BCKDHB: variants seen among roughly 807,000 people sequenced by gnomAD.
The protein encoded by BCKDHB is 2-oxoisovalerate dehydrogenase subunit beta, mitochondrial.
Under a neutral mutation model 48.5 loss-of-function variants are expected in BCKDHB, and 41 were observed. That is an observed-to-expected ratio of 0.85 (90% CI 0.66 to 1.10). The LOEUF (loss-of-function observed/expected upper bound fraction) is 1.10. Among genes scored for constraint, BCKDHB ranks in the 50% least tolerant of loss-of-function variants. BCKDHB has a pLI of 0.00. For synonymous variants in BCKDHB, 201 were observed against 174.8 expected (o/e 1.15, Z -1.18); for missense variants, 496 against 494.2 (o/e 1.00, Z -0.03).
the BCKDHB span, among the ~76,000 whole-genome samples, chr6:80,442,361 ACAAT>A: frequency 6.6e-6 from 1 of 152,188 alleles, no homozygotes; most frequent in African/African-American, 2.4e-5. Flanking sequence ...ATCCTATTTC[ACAAT>A]CAAATTATAC....
chr6:80,315,377 T>TGGG (rs1768387842), intron 9 of BCKDHB, among the ~76,000 whole-genome samples: 1 of 152,066 alleles, frequency 6.6e-6, no homozygotes, highest in Admixed American at 6.5e-5. Flanking sequence ...TAACTGGGGG[T>TGGG]GGGGGTTCCC....
intron 3 of BCKDHB, among the ~76,000 whole-genome samples, chr6:80,158,767 C>T (rs144042366): frequency 7.2e-5 from 11 of 152,118 alleles, no homozygotes; most frequent in Non-Finnish European, 1.2e-4. Context: ...TAAAACAGAC[C>T]CTAAAGGGTG....
intron 9 of BCKDHB, among the ~76,000 whole-genome samples, chr6:80,323,495 G>C (rs1367907330): frequency 5.9e-5 from 9 of 152,234 alleles, no homozygotes. Flanking sequence ...CTTAATCAGT[G>C]TTTAGTAAAT....
the BCKDHB span, among the ~76,000 whole-genome samples, chr6:80,447,502 T>C: frequency 6.6e-6 from 1 of 150,484 alleles, no homozygotes; most frequent in East Asian, 1.9e-4. Context: ...TATATATATA[T>C]AACCACAATG....
intron 9 of BCKDHB, among the ~76,000 whole-genome samples, chr6:80,305,287 C>CTA (rs199875615): frequency 0.014 from 2,150 of 152,032 alleles, 38 homozygotes; most frequent in African/African-American, 0.049. Flanking sequence ...AAAATTATGA[C>CTA]TTAAAATAAT....
chr6:80,258,038 A>C (rs1454478108), intron 8 of BCKDHB, among the ~76,000 whole-genome samples: 1 of 152,100 alleles, frequency 6.6e-6, no homozygotes, highest in Non-Finnish European at 1.5e-5. Flanking sequence ...ATATATAAGA[A>C]TAATACATAG....
chr6:80,186,037 T>C (rs1362991027), intron 6 of BCKDHB, among the ~76,000 whole-genome samples: 5 of 152,188 alleles, frequency 3.3e-5, no homozygotes, highest in African/African-American at 1.2e-4. Flanking sequence ...GGTTGGCCTC[T>C]ACCCAGGAGG....
At chr6:80,340,820 T>C (rs1214445006) in intron 9 of BCKDHB, among the ~76,000 whole-genome samples, 1 of 152,148 alleles carries the variant, frequency 6.6e-6, no homozygotes, top group Non-Finnish European at 1.5e-5. Context: ...CGTACGTACG[T>C]ACATGTATAC....
At chr6:80,411,090 C>T in the BCKDHB span, among the ~76,000 whole-genome samples, 1 of 152,212 alleles carries the variant, frequency 6.6e-6, no homozygotes, top group Middle Eastern at 3.4e-3. Flanking sequence ...GTTTTATCTA[C>T]CTTTGGTCTT....
chr6:80,335,231 G>GAA (rs796841647), intron 9 of BCKDHB, among the ~76,000 whole-genome samples: 10 of 40,462 alleles, frequency 2.5e-4, no homozygotes, highest in African/African-American at 5.6e-4. Context: ...AATTTTGTGG[G>GAA]AAAAAAAAAA....
chr6:80,114,970 G>T (rs1769608300), intron 1 of BCKDHB, among the ~76,000 whole-genome samples: 1 of 152,176 alleles, frequency 6.6e-6, no homozygotes, highest in Non-Finnish European at 1.5e-5. Context: ...GGCAACCCAG[G>T]GACTCTAGAC....
chr6:80,361,404 A>G, the BCKDHB span, among the ~76,000 whole-genome samples: 3 of 152,220 alleles, frequency 2.0e-5, no homozygotes, highest in African/African-American at 4.8e-5. Flanking sequence ...TCTCTAGTAG[A>G]GTACATTTGA....
chr6:80,381,282 C>T, the BCKDHB span, among the ~76,000 whole-genome samples: 1 of 151,922 alleles, frequency 6.6e-6, no homozygotes, highest in African/African-American at 2.4e-5. Context: ...AATAGAACTG[C>T]CAAAAGTTCT....
intron 3 of BCKDHB, among the ~76,000 whole-genome samples, chr6:80,152,563 T>G (rs972193234): frequency 4.6e-5 from 7 of 152,208 alleles, no homozygotes; most frequent in African/African-American, 9.6e-5. Context: ...CATAATCATT[T>G]GTTTCATTCA....
chr6:80,369,473 T>C, the BCKDHB span, among the ~76,000 whole-genome samples: 2 of 152,248 alleles, frequency 1.3e-5, no homozygotes, highest in Non-Finnish European at 2.9e-5. Flanking sequence ...GTTTAGATTA[T>C]TTCAAACCTC....
rs1770171828 is a variant in BCKDHB at position 80,345,746 on chromosome 6, G to C, written c.*1942G>C. ...CCTTCCGTGGACCAGCCGTAATAAA[G>C]AGCCAAGGTAGTGATGGTGGCCACG... is the stretch of plus-strand genomic sequence containing the variant. On this transcript the variant is annotated 3_prime_UTR_variant, in exon 10 of 10. Coordinates refer to ENST00000320393, the MANE Select transcript of BCKDHB (RefSeq NM_183050.4). 1 of 152,218 alleles carries C rather than the reference G, an allele frequency of 6.6e-6. No individual in the cohort carries two copies. The highest frequency in any genetic ancestry group is 1.5e-5 in the Non-Finnish European group (1 of 68,034). 9.4% of individuals were successfully genotyped at this position (152,218 alleles called of 1,614,324 possible).
chr6:80,315,327 C>G (rs533998055), intron 9 of BCKDHB, among the ~76,000 whole-genome samples: 1 of 152,222 alleles, frequency 6.6e-6, no homozygotes, highest in South Asian at 2.1e-4. Context: ...TGCAAAGATC[C>G]GTGGTTTCTT....
the BCKDHB span, among the ~76,000 whole-genome samples, chr6:80,454,595 C>T: frequency 6.6e-6 from 1 of 152,172 alleles, no homozygotes; most frequent in African/African-American, 2.4e-5. Flanking sequence ...GAGCTGCAGA[C>T]CTCATGGCCT....
At chr6:80,340,662 G>A (rs1331154052) in intron 9 of BCKDHB, among the ~76,000 whole-genome samples, 1 of 152,194 alleles carries the variant, frequency 6.6e-6, no homozygotes, top group Non-Finnish European at 1.5e-5. Flanking sequence ...GAATTGTCAT[G>A]AAAATTCAGG....
Sources: allele counts gnomAD v4.1 joint callset (sites outside exome capture counted in the v4.1 genomes callset), GRCh38; gene constraint gnomAD v4.1.1; transcripts MANE v1.5; gene names NCBI Gene and HGNC (gene_info 2026-07-23, HGNC 2026-07-21).